The following FAM111A variants were observed in gnomAD, a reference collection of about 807,000 sequenced individuals.
FAM111A encodes the protein serine protease FAM111A.
FAM111A carries 8 observed loss-of-function variants against 3.3 expected under a neutral mutation model. The ratio of observed to expected loss-of-function variants is 2.39; its 90% CI spans 1.40 to 4.32. FAM111A has a LOEUF of 4.32. Among genes scored for constraint, FAM111A ranks in the 30% most tolerant of loss-of-function variants. The pLI is 0.00. For synonymous variants in FAM111A, 227 were observed against 243.1 expected, an observed-to-expected ratio of 0.93 and a Z score of 0.62; for missense variants, 683 against 727.6, an observed-to-expected ratio of 0.94 and a Z score of 0.71.
rs201314346 is a variant in FAM111A at position 59,153,204 on chromosome 11, C to A, written c.1536C>A (p.Val512=). 60 of 1,614,138 alleles carry A rather than the reference C, an allele frequency of 3.7e-5. 1 individual carries two copies. The Admixed American group carries it at 7.5e-4, about 20-fold the overall frequency. ...QSKKAESPEY[V]HMYTQRSFQK... is the part of the protein sequence containing the mutation. Reference sequence around the variant, plus strand: ...AAAAAGCAGAAAGTCCAGAGTATGTCCATATGTATACTCAAAGAAGTTTCC... The same window carrying A: ...AAAAAGCAGAAAGTCCAGAGTATGTACATATGTATACTCAAAGAAGTTTCC... The change falls in exon 6 of 6, where the codon GTC becomes GTA. Residue 512 remains valine (V), a synonymous_variant. Coordinates refer to ENST00000675163, the MANE Select transcript of FAM111A (RefSeq NM_001312909.2).
intron 5 of FAM111A, among the ~76,000 whole-genome samples, chr11:59,150,524 T>C (rs1282063877): frequency 1.3e-5 from 2 of 152,122 alleles, no homozygotes; most frequent in African/African-American, 4.8e-5. Context: ...GAAAAATGTG[T>C]TTTTTAGACA....
At chr11:59,146,003 TATAG>T (rs1211793336) in intron 4 of FAM111A, 147 bp downstream of exon 4, 4 of 151,860 alleles carry the variant, frequency 2.6e-5, no homozygotes, top group African/African-American at 7.3e-5. Flanking sequence ...ACACTGTATA[TATAG>T]ATAGATTGCA....
intron 4 of FAM111A, among the ~76,000 whole-genome samples, chr11:59,146,331 G>A (rs1055639758): frequency 6.6e-6 from 1 of 152,164 alleles, no homozygotes; most frequent in South Asian, 2.1e-4. Flanking sequence ...TGATCCATCA[G>A]CGTTGGCCTC....
rs577003143 is a variant in FAM111A, at chr11:59,149,112, A to G, written c.81+159A>G. ...TATAATGTATCATATCCTCCTGTAT[A>G]CTTTAAATCATCTCTGGATTATTTG... On this transcript the variant is annotated intron_variant, in intron 5 of 5. Transcript: ENST00000675163. 1.2e-4 allele frequency: 69 copies of G among 598,080 alleles called. No individual in the cohort carries two copies. In the African/African-American group the frequency reaches 1.2e-3, roughly 10 times the overall value. The allele number at this position is 598,080 out of a possible 1,614,324, so 37.0% of individuals were successfully genotyped here. A position where few individuals can be genotyped will look rare whatever the true frequency, so the allele number is the denominator to read the frequency against.
Position 59,151,621 on chromosome 11 carries a change from A to T in FAM111A, c.82-129A>T, listed in dbSNP as rs60883299. 17,706 of 690,288 alleles carry T rather than the reference A, an allele frequency of 0.026. 967 individuals are homozygous for T. The highest frequency in any genetic ancestry group is 0.14 in the East Asian group (5,590 of 39,308). The allele number at this position is 690,288 out of a possible 1,614,324, so 42.8% of individuals were successfully genotyped here. ...ATCCCATGTCAAACACTGATTTAAT[A>T]TTATTCACTGGCCCTTTTAGATTGG... On this transcript the variant is annotated intron_variant, in intron 5 of 5. Coordinates refer to ENST00000675163, the MANE Select transcript of FAM111A (RefSeq NM_001312909.2).
rs558333213 is a variant in FAM111A at position 59,153,349 on chromosome 11, G to A, written c.1681G>A (p.Ala561Thr). 6.2e-7 allele frequency: 1 copy of A among 1,614,130 alleles called. No individual in the cohort carries two copies. The highest frequency in any genetic ancestry group is 1.1e-5 in the South Asian group (1 of 91,070). ...GGTGGCCATGCATGCTGCTGGCTTT[G>A]CTTATACTTACCAAAATGAGACTCG... ...SLVAMHAAGFAYTYQNETRSI... is the reference protein window; with the variant it reads ...SLVAMHAAGFTYTYQNETRSI... Residue 561 changes from alanine to threonine, a missense_variant, in exon 6 of 6, where the codon GCT becomes ACT. Coordinates refer to ENST00000675163, the MANE Select transcript of FAM111A (RefSeq NM_001312909.2).
At chr11:59,150,280 A>AT (rs1861484332) in intron 5 of FAM111A, among the ~76,000 whole-genome samples, 1 of 152,322 alleles carries the variant, frequency 6.6e-6, no homozygotes, top group South Asian at 2.1e-4. Flanking sequence ...GTAAATCTGC[A>AT]TTACCTTAAG....
rs747842754 is a variant in FAM111A at position 59,152,549 on chromosome 11, A to G, written c.881A>G (p.Glu294Gly). 5.0e-6 allele frequency: 8 copies of G among 1,614,174 alleles called. No individual in the cohort carries two copies. Among genetic ancestry groups the G allele is most frequent in the African/African-American group, 1.3e-5 (1 of 75,070 alleles). The change falls in exon 6 of 6, where the codon GAA becomes GGA. Residue 294 changes from glutamate to glycine, a missense_variant. By Grantham distance (98) the Glu-to-Gly change is moderately conservative. Transcript: ENST00000675163. ...AAAAGAAACACCTGTGTGTTGAGAGAACAAATCGTGGCTCAGTACCCCAGT... is the reference window on the plus strand; with the variant it reads ...AAAAGAAACACCTGTGTGTTGAGAGGACAAATCGTGGCTCAGTACCCCAGT... ...SEKRNTCVLR[E>G]QIVAQYPSLK...
chr11:59,148,880 G>A lies in FAM111A; in HGVS notation c.8G>A (p.Cys3Tyr), dbSNP rs748812251. Residue 3 changes from cysteine (C) to tyrosine (Y), a missense_variant, in exon 5 of 6, where the codon TGT becomes TAT. Around this residue, in one of 3 missense-constraint regions of FAM111A, gnomAD observed 557 missense variants for 600.2 expected, o/e 0.93. Transcript: ENST00000675163. ...GTTCATCTTCAAGCCATCATGAGCT[G>A]TAAGAAGCAGAGGTCACGGAAGCAC... The part of the protein sequence containing the change: MS[C>Y]KKQRSRKHSV... The A allele has an allele frequency of 5.0e-6, 8 of 1,613,324 alleles. No individual in the cohort carries two copies. Among genetic ancestry groups the A allele is most frequent in the East Asian group, 2.2e-5 (1 of 44,880 alleles).
chr11:59,146,062 T>TATTG (rs1555017352), intron 4 of FAM111A, among the ~76,000 whole-genome samples: 1 of 150,036 alleles, frequency 6.7e-6, no homozygotes, highest in African/African-American at 2.5e-5. Flanking sequence ...TATATATATA[T>TATTG]TGTGTGTGTG....
chr11:59,149,196 A>C (rs1186080888), intron 5 of FAM111A: 13 of 382,310 alleles, frequency 3.4e-5, no homozygotes, highest in Non-Finnish European at 2.8e-5. Context: ...TTGCTTAGGG[A>C]ATAATGACAA....
chr11:59,147,114 A>G (rs1472514527), intron 4 of FAM111A, among the ~76,000 whole-genome samples: 1 of 152,174 alleles, frequency 6.6e-6, no homozygotes, highest in East Asian at 1.9e-4. Flanking sequence ...TGGGAGGAAA[A>G]GCAGGTTCAT....
At chr11:59,147,983 G>A (rs866525491) in intron 4 of FAM111A, among the ~76,000 whole-genome samples, 6 of 152,266 alleles carry the variant, frequency 3.9e-5, no homozygotes, top group Non-Finnish European at 7.4e-5. Flanking sequence ...TACTCCATTC[G>A]TTTATTGAAT....
At chr11:59,149,237 G>A in intron 5 of FAM111A, 1 of 287,796 alleles carries the variant, frequency 3.5e-6, no homozygotes, top group Non-Finnish European at 6.5e-6. Flanking sequence ...TTTAGTTCAG[G>A]CACACTCATT....
At chr11:59,149,060 T>C in intron 5 of FAM111A, 107 bp downstream of exon 5, 2 of 737,648 alleles carry the variant, frequency 2.7e-6, no homozygotes, top group Non-Finnish European at 4.8e-6. Flanking sequence ...GCTCAAATTC[T>C]TCACATAACA....
Position 59,152,464 on chromosome 11 carries a change from G to A in FAM111A, c.796G>A (p.Val266Ile). The A allele has an allele frequency of 6.2e-7, 1 of 1,607,138 alleles. No individual in the cohort carries two copies. The highest frequency in any genetic ancestry group is 8.5e-7 in the Non-Finnish European group (1 of 1,173,782). The change falls in exon 6 of 6, where the codon GTT becomes ATT. Residue 266 changes from valine (V) to isoleucine (I), a missense_variant. This residue lies in a region of FAM111A where 557 missense variants were observed against 600.2 expected (regional missense o/e 0.93). Coordinates refer to ENST00000675163, the MANE Select transcript of FAM111A (RefSeq NM_001312909.2). ...TGAATTAGAAGGCAGATACTTTCAGGTTGAGGTTGAGAAAAGAATGGTCCC... is the reference window on the plus strand; with the variant it reads ...TGAATTAGAAGGCAGATACTTTCAGATTGAGGTTGAGAAAAGAATGGTCCC... ...VDELEGRYFQVEVEKRMVPSA... is the reference protein window; with the variant it reads ...VDELEGRYFQIEVEKRMVPSA...
intron 5 of FAM111A, among the ~76,000 whole-genome samples, chr11:59,149,477 T>C (rs2135460746): frequency 6.6e-6 from 1 of 152,312 alleles, no homozygotes; most frequent in South Asian, 2.1e-4. Context: ...AAGAGAGTTG[T>C]AATACAAATC....
intron 3 of FAM111A, chr11:59,144,058 C>T (rs1360923446): frequency 6.6e-6 from 1 of 152,220 alleles, no homozygotes; most frequent in East Asian, 1.9e-4. Flanking sequence ...AATCTCAATA[C>T]ATATAGCCCA....
chr11:59,151,024 A>T (rs1861584993), intron 5 of FAM111A, among the ~76,000 whole-genome samples: 1 of 152,238 alleles, frequency 6.6e-6, no homozygotes, highest in Non-Finnish European at 1.5e-5. Context: ...GCGGTAGCTT[A>T]TCGCTGAATT....
Sources: allele counts gnomAD v4.1 joint callset (sites outside exome capture counted in the v4.1 genomes callset), GRCh38; gene constraint gnomAD v4.1.1; regional missense constraint gnomAD v4.1.1; transcripts MANE v1.5; gene names NCBI Gene and HGNC (gene_info 2026-07-23, HGNC 2026-07-21).